RECK: variants seen among roughly 807,000 people sequenced by gnomAD.
The protein encoded by RECK is reversion inducing cysteine rich protein with kazal motifs.
Under a neutral mutation model 115.1 loss-of-function variants are expected in RECK, and 69 were observed. That is an observed-to-expected ratio of 0.60 (90% CI 0.49 to 0.73). The LOEUF is 0.73. Among genes scored for constraint, RECK ranks in the 30% least tolerant of loss-of-function variants. The pLI, the probability that RECK is intolerant of heterozygous loss-of-function variation, is 0.00. For synonymous variants in RECK, 414 were observed against 419.7 expected, an observed-to-expected ratio of 0.99 and a Z score of 0.17; for missense variants, 1,047 against 1,203.7, an observed-to-expected ratio of 0.87 and a Z score of 1.93.
chr9:36,119,984 C>T (rs1824396965), intron 18 of RECK, among the ~76,000 whole-genome samples: 1 of 152,144 alleles, frequency 6.6e-6, no homozygotes. Context: ...CCTGTAATCC[C>T]AGCACTTTGG....
intron 7 of RECK, among the ~76,000 whole-genome samples, chr9:36,081,704 C>T (rs1010134503): frequency 2.0e-5 from 3 of 151,900 alleles, no homozygotes; most frequent in African/African-American, 4.8e-5. Context: ...CATGGTGGCA[C>T]GTGCCTGTAA....
intron 15 of RECK, among the ~76,000 whole-genome samples, chr9:36,110,694 G>A (rs1015561014): frequency 2.6e-5 from 4 of 152,026 alleles, no homozygotes; most frequent in African/African-American, 9.7e-5. Flanking sequence ...AATACCTTTG[G>A]TTGTGGGTAA....
chr9:36,089,158 TA>T (rs1350720025), intron 9 of RECK, among the ~76,000 whole-genome samples: 1 of 152,194 alleles, frequency 6.6e-6, no homozygotes, highest in Non-Finnish European at 1.5e-5. Flanking sequence ...GGCTTGTAAT[TA>T]AGGAAATTAG....
chr9:36,069,300 G>T (rs998019854), intron 6 of RECK, among the ~76,000 whole-genome samples: 2 of 152,056 alleles, frequency 1.3e-5, no homozygotes, highest in Admixed American at 6.5e-5. Context: ...AGCACTTCGG[G>T]AGGCTGAGGC....
rs1823145397 is a variant in RECK at position 36,091,235 on chromosome 9, G to C, written c.977G>C (p.Cys326Ser). Reference sequence around the variant, plus strand: ...AGTTGGCAAGAGTTTGATCGCTTTTGTGAATATAATCCAGTGGAAGTGTCC... The same window carrying C: ...AGTTGGCAAGAGTTTGATCGCTTTTCTGAATATAATCCAGTGGAAGTGTCC... ...TQSWQEFDRF[C>S]EYNPVEVSML... Residue 326 changes from cysteine (C) to serine (S), a missense_variant, in exon 10 of 21, where the codon TGT (cysteine) becomes TCT (serine). Transcript: ENST00000377966. 6.2e-7 allele frequency: 1 copy of C among 1,613,882 alleles called. No individual in the cohort carries two copies. The highest frequency in any genetic ancestry group is 1.3e-5 in the African/African-American group (1 of 74,918).
intron 6 of RECK, among the ~76,000 whole-genome samples, chr9:36,068,740 C>T (rs1035899771): frequency 1.3e-5 from 2 of 152,106 alleles, no homozygotes; most frequent in African/African-American, 4.8e-5. Flanking sequence ...TTTGGGATTC[C>T]AAAGGGACTA....
chr9:36,062,160 C>CAT (rs1554703720), intron 4 of RECK, among the ~76,000 whole-genome samples: 1 of 131,966 alleles, frequency 7.6e-6, no homozygotes, highest in South Asian at 2.4e-4. Flanking sequence ...GCATCTCCTA[C>CAT]TTTTTTTTTT....
chr9:36,117,254 G>A lies in RECK; in HGVS notation c.2253+77G>A, dbSNP rs145287956. On this transcript the variant is annotated intron_variant, in intron 17 of 20. Transcript: ENST00000377966. ...ATGATATTTTACAGATGAATCAACAGTAAGACCAGCCGAGGGTCTTCTGTG... is the reference window on the plus strand; with the variant it reads ...ATGATATTTTACAGATGAATCAACAATAAGACCAGCCGAGGGTCTTCTGTG... The A allele has an allele frequency of 1.7e-4, 200 of 1,200,058 alleles. 1 individual carries two copies. The highest frequency in any genetic ancestry group is 2.2e-4 in the Non-Finnish European group (192 of 863,214). The allele number at this position is 1,200,058 out of a possible 1,614,324, so 74.3% of individuals were successfully genotyped here.
intron 6 of RECK, chr9:36,066,658 A>T (rs1187231419): frequency 2.0e-5 from 8 of 395,170 alleles, no homozygotes; most frequent in Non-Finnish European, 2.5e-5. Flanking sequence ...TTATTTTCTT[A>T]TCTCTCTATC....
chr9:36,117,841 A>G (rs550669904), intron 17 of RECK, among the ~76,000 whole-genome samples: 1 of 152,246 alleles, frequency 6.6e-6, no homozygotes, highest in African/African-American at 2.4e-5. Context: ...TTAGCTGGGC[A>G]TGGTGGCACA....
intron 18 of RECK, among the ~76,000 whole-genome samples, chr9:36,120,321 C>T (rs1333649011): frequency 6.6e-6 from 1 of 152,186 alleles, no homozygotes; most frequent in African/African-American, 2.4e-5. Context: ...GGAAACAAGG[C>T]CTGGCAGAAG....
rs772836458 is a variant in RECK, at chr9:36,091,258, T to A, written c.1000T>A (p.Ser334Thr). Reference protein sequence around the residue: ...RFCEYNPVEVSMLTCLADVRE... With the variant: ...RFCEYNPVEVTMLTCLADVRE... ...TTGTGAATATAATCCAGTGGAAGTG[T>A]CCATGTTGACCTGTTTAGCGGATGT... is the stretch of plus-strand genomic sequence containing the variant. The change falls in exon 10 of 21, where the codon TCC (serine) becomes ACC (threonine). Residue 334 changes from serine to threonine, a missense_variant. By Grantham distance (58) the Ser-to-Thr change is moderately conservative. Coordinates refer to ENST00000377966, the MANE Select transcript of RECK (RefSeq NM_021111.3). 8.7e-6 allele frequency: 14 copies of A among 1,613,540 alleles called. No homozygotes were observed. The Admixed American group carries it at 2.3e-4, about 27-fold the overall frequency.
chr9:36,084,876 G>A (rs528250738), intron 8 of RECK, among the ~76,000 whole-genome samples: 3 of 152,236 alleles, frequency 2.0e-5, no homozygotes, highest in South Asian at 4.1e-4. Context: ...ACAACATAGT[G>A]AGACCCTATG....
intron 1 of RECK, among the ~76,000 whole-genome samples, chr9:36,037,428 G>T (rs1820710484): frequency 6.6e-6 from 1 of 151,640 alleles, no homozygotes; most frequent in South Asian, 2.1e-4. Flanking sequence ...GCCCAGGATC[G>T]TCGCGAGGTT....
chr9:36,058,794 T>A, intron 2 of RECK, 33 bp from the exon 3 acceptor site: 1 of 1,521,990 alleles, frequency 6.6e-7, no homozygotes, highest in Admixed American at 1.8e-5. Flanking sequence ...TATAGAAAAA[T>A]GCCACAAAAA....
intron 2 of RECK, among the ~76,000 whole-genome samples, chr9:36,058,531 C>T (rs1451920342): frequency 2.8e-5 from 4 of 140,494 alleles, no homozygotes; most frequent in African/African-American, 7.9e-5. Context: ...AGGGATAGCA[C>T]TGGGAGATAT....
At chr9:36,090,811 C>A (rs1201242585) in intron 9 of RECK, among the ~76,000 whole-genome samples, 2 of 152,050 alleles carry the variant, frequency 1.3e-5, no homozygotes, top group East Asian at 1.9e-4. Flanking sequence ...TTTGCAGAGG[C>A]AAAACCATGT....
intron 2 of RECK, among the ~76,000 whole-genome samples, chr9:36,058,089 G>A (rs1251829034): frequency 4.0e-5 from 6 of 150,376 alleles, no homozygotes; most frequent in African/African-American, 1.5e-4. Flanking sequence ...GTGGAAGTCA[G>A]TGTGGCGATT....
chr9:36,073,231 GACACACACAGACACACACAC>G (rs58079772), intron 6 of RECK, among the ~76,000 whole-genome samples: 2,656 of 94,956 alleles, frequency 0.028, 79 homozygotes, highest in African/African-American at 0.097. Context: ...GACACACACA[GACACACACAGACACACACAC>G]ACACACACAC....
Sources: allele counts gnomAD v4.1 joint callset (sites outside exome capture counted in the v4.1 genomes callset), GRCh38; gene constraint gnomAD v4.1.1; transcripts MANE v1.5; gene names NCBI Gene and HGNC (gene_info 2026-07-23, HGNC 2026-07-21).